Variants in PRKDC observed in about 807,000 individuals in gnomAD.
PRKDC encodes the protein DNA-dependent protein kinase catalytic subunit.
PRKDC carries 82 observed loss-of-function variants against 486.9 expected under a neutral mutation model. That is an observed-to-expected ratio of 0.17 (90% CI 0.14 to 0.20). The LOEUF (loss-of-function observed/expected upper bound fraction) is 0.20, where lower values mean the gene tolerates loss of function less well. Among genes scored for constraint, PRKDC ranks in the 10% least tolerant of loss-of-function variants. PRKDC has a pLI of 1.00. For missense variants in PRKDC, 4,504 were observed against 5,038.2 expected (o/e 0.89, Z 3.21); for synonymous variants, 1,895 against 1,837.0 (o/e 1.03, Z -0.81).
Position 47,800,976 on chromosome 8 carries a change from G to A in PRKDC, c.9933C>T (p.Asn3311=), listed in dbSNP as rs201592874. ...LKTVSLLDEN[N]VSSYLSKNIL... is the part of the protein sequence containing the mutation. ...TATTTTTGCTTAAGTAGCTTGACAC[G>A]TTGTTCTCATCTGTTGGATTAAAAA... The change falls in exon 71 of 86, where the codon AAC becomes AAT. Residue 3311 remains asparagine (N), a synonymous_variant. Coordinates refer to ENST00000314191, the MANE Select transcript of PRKDC (RefSeq NM_006904.7). 341 of 1,613,606 alleles carry A rather than the reference G, an allele frequency of 2.1e-4. 1 individual carries two copies. In the African/African-American group the frequency reaches 2.2e-3, roughly 10 times the overall value.
chr8:47,931,237 T>A (rs1192947727), intron 16 of PRKDC, among the ~76,000 whole-genome samples: 2 of 152,344 alleles, frequency 1.3e-5, no homozygotes, highest in East Asian at 3.9e-4. Flanking sequence ...AAATTTGTGT[T>A]ACCAAACACA....
At chr8:47,804,286 G>A (rs1245247705) in intron 69 of PRKDC, among the ~76,000 whole-genome samples, 2 of 151,226 alleles carry the variant, frequency 1.3e-5, no homozygotes, top group East Asian at 1.9e-4. Context: ...TCCATTGCAC[G>A]GACATGCCAC....
rs373947348 is a variant in PRKDC, at chr8:47,878,815, C to T, written c.5235+676G>A. On this transcript the variant is annotated intron_variant, in intron 39 of 85. Transcript: ENST00000314191. ...AGTTTCCACTGCACTTCAGCCTAGACGACAGAGCAAGACTCTGTCTCAAAA... is the reference window on the plus strand; with the variant it reads ...AGTTTCCACTGCACTTCAGCCTAGATGACAGAGCAAGACTCTGTCTCAAAA... 9.2e-5 allele frequency among the ~76,000 whole-genome samples: 14 copies of T among 152,282 alleles called. 1 individual carries two copies. Among genetic ancestry groups the T allele is most frequent in the African/African-American group, 3.1e-4 (13 of 41,548 alleles).
chr8:47,800,000 C>A (rs2087066150), intron 71 of PRKDC, among the ~76,000 whole-genome samples: 1 of 152,054 alleles, frequency 6.6e-6, no homozygotes, highest in South Asian at 2.1e-4. Flanking sequence ...ATTTAAAATT[C>A]ATGATTTTTA....
Position 47,783,894 on chromosome 8 carries a change from A to T in PRKDC, c.11108-85T>A, listed in dbSNP as rs1360403810. 7 of 1,326,022 alleles carry T rather than the reference A, an allele frequency of 5.3e-6. No individual in the cohort carries two copies. The African/African-American group carries it at 1.0e-4, about 19-fold the overall frequency. The allele number at this position is 1,326,022 out of a possible 1,614,324, so 82.1% of individuals were successfully genotyped here. A position where few individuals can be genotyped will look rare whatever the true frequency, so the allele number is the denominator to read the frequency against. On this transcript the variant is annotated intron_variant, in intron 77 of 85. Coordinates refer to ENST00000314191, the MANE Select transcript of PRKDC (RefSeq NM_006904.7). Reference sequence around the variant, plus strand: ...AACATGCCTCTTGATCTACTTTTTAAAAAGCCAATCTAACATGATAAAACC... The same window carrying T: ...AACATGCCTCTTGATCTACTTTTTATAAAGCCAATCTAACATGATAAAACC...
intron 67 of PRKDC, among the ~76,000 whole-genome samples, chr8:47,818,924 C>G (rs1315255387): frequency 1.3e-5 from 2 of 152,218 alleles, no homozygotes; most frequent in Non-Finnish European, 2.9e-5. Flanking sequence ...ATCAGCGATA[C>G]AAAGGCCTTC....
intron 7 of PRKDC, among the ~76,000 whole-genome samples, chr8:47,949,075 T>C (rs576044244): frequency 3.3e-5 from 5 of 152,226 alleles, no homozygotes; most frequent in Non-Finnish European, 7.3e-5. Flanking sequence ...AACCCTTTTC[T>C]CACTTCTCCA....
At chr8:47,778,341 C>A in intron 83 of PRKDC, 118 bp downstream of exon 83, 1 of 1,141,428 alleles carries the variant, frequency 8.8e-7, no homozygotes. Flanking sequence ...ATGACCATGA[C>A]AAAACGAATC....
In PRKDC at chr8:47,803,448, C is replaced by T. The variant is rs1310842153; in HGVS notation, c.9780G>A (p.Lys3260=). 10 of 1,613,976 alleles carry T rather than the reference C, an allele frequency of 6.2e-6. No individual in the cohort carries two copies. Among genetic ancestry groups the T allele is most frequent in the Non-Finnish European group, 8.5e-6 (10 of 1,179,874 alleles). ...NNFSLAMKLL[K]ELHKESKTRD... The stretch of plus-strand genomic sequence containing the variant: ...TGGTTTTTGACTCTTTATGCAGCTC[C>T]TTCAGTAGTTTCATAGCAAGTGAGA... The change falls in exon 70 of 86, where the codon AAG becomes AAA. Residue 3260 remains lysine (K), a synonymous_variant. Coordinates refer to ENST00000314191, the MANE Select transcript of PRKDC (RefSeq NM_006904.7).
intron 13 of PRKDC, 84 bp from the exon 14 acceptor site, chr8:47,935,142 T>C (rs1366658736): frequency 1.2e-5 from 12 of 996,700 alleles, no homozygotes; most frequent in East Asian, 5.4e-5. Flanking sequence ...ACAGTCATTA[T>C]ATTTTGGAAC....
intron 42 of PRKDC, 63 bp from the exon 43 acceptor site, chr8:47,862,604 C>A (rs2088702060): frequency 6.8e-7 from 1 of 1,468,848 alleles, no homozygotes; most frequent in Non-Finnish European, 9.2e-7. Context: ...TCAAGCCCAA[C>A]AATGCCAGAC....
At chr8:47,791,686 T>A (rs1335644455) in intron 74 of PRKDC, among the ~76,000 whole-genome samples, 1 of 152,126 alleles carries the variant, frequency 6.6e-6, no homozygotes, top group East Asian at 1.9e-4. Flanking sequence ...CGAGGTATCA[T>A]CTCACCCCCA....
At chr8:47,815,189 A>T (rs1255790317) in intron 68 of PRKDC, among the ~76,000 whole-genome samples, 2 of 152,140 alleles carry the variant, frequency 1.3e-5, no homozygotes, top group Non-Finnish European at 2.9e-5. Context: ...TGACTTCAAA[A>T]CGTACTATAA....
intron 85 of PRKDC, among the ~76,000 whole-genome samples, chr8:47,775,406 C>T (rs2086591786): frequency 1.8e-5 from 2 of 111,934 alleles, no homozygotes; most frequent in Admixed American, 1.2e-4. Context: ...GGGTCTTGCT[C>T]TGTCACCCAG....
chr8:47,939,490 T>C, intron 11 of PRKDC, 61 bp downstream of exon 11: 1 of 1,539,250 alleles, frequency 6.5e-7, no homozygotes, highest in Non-Finnish European at 8.9e-7. Context: ...TGCAATGAAT[T>C]AGATTCCTTT....
At chr8:47,825,273 T>A in intron 63 of PRKDC, among the ~76,000 whole-genome samples, 1 of 152,124 alleles carries the variant, frequency 6.6e-6, no homozygotes. Flanking sequence ...TGGTGGCTCA[T>A]GGCTGCAATC....
intron 36 of PRKDC, among the ~76,000 whole-genome samples, chr8:47,884,960 C>T (rs2089296021): frequency 6.6e-6 from 1 of 152,234 alleles, no homozygotes. Context: ...GGTGCAGAGA[C>T]CTGCCTGCAG....
At chr8:47,917,421 A>C (rs912578620) in intron 22 of PRKDC, among the ~76,000 whole-genome samples, 3 of 152,200 alleles carry the variant, frequency 2.0e-5, no homozygotes, top group Non-Finnish European at 4.4e-5. Context: ...AGGTGAGAAG[A>C]ACTGACCCTA....
chr8:47,911,139 C>T (rs574420533), intron 25 of PRKDC, among the ~76,000 whole-genome samples: 1 of 152,278 alleles, frequency 6.6e-6, no homozygotes, highest in East Asian at 1.9e-4. Flanking sequence ...GGCTGATATC[C>T]TAGCCTTACT....
Sources: allele counts gnomAD v4.1 joint callset (sites outside exome capture counted in the v4.1 genomes callset), GRCh38; gene constraint gnomAD v4.1.1; transcripts MANE v1.5; gene names NCBI Gene and HGNC (gene_info 2026-07-23, HGNC 2026-07-21).